Variants in ZMIZ1 observed in about 807,000 individuals in gnomAD.
ZMIZ1 encodes zinc finger MIZ domain-containing protein 1.
In ZMIZ1, 17 loss-of-function variants were observed where a neutral mutation model predicts 113.9. That is an observed-to-expected ratio of 0.15 (90% CI 0.10 to 0.22). The LOEUF is 0.22. Among genes scored for constraint, ZMIZ1 ranks in the 10% least tolerant of loss-of-function variants. The pLI is 1.00. For missense variants in ZMIZ1, 1,059 were observed against 1,477.8 expected, an observed-to-expected ratio of 0.72 and a Z score of 4.65; for synonymous variants, 607 against 603.1, an observed-to-expected ratio of 1.01 and a Z score of -0.09.
Position 79,296,191 on chromosome 10 carries a change from G to A in ZMIZ1, c.1231-280G>A, listed in dbSNP as rs1853879295. The A allele has an allele frequency of 2.0e-6, 1 of 499,132 alleles. No homozygotes were observed. Among genetic ancestry groups the A allele is most frequent in the African/African-American group, 2.0e-5 (1 of 50,308 alleles). The allele number at this position is 499,132 out of a possible 1,614,324, so 30.9% of individuals were successfully genotyped here. ...AGTTAGAATCAGGCCCCTCATAATGGTGTGAGCAAGAGGCTCTGAAAGTGT... is the reference window on the plus strand; with the variant it reads ...AGTTAGAATCAGGCCCCTCATAATGATGTGAGCAAGAGGCTCTGAAAGTGT... On this transcript the variant is annotated intron_variant, in intron 12 of 24. Transcript: ENST00000334512. The surrounding 1 kb of genome is among the most constrained non-coding windows in gnomAD (Gnocchi z 4.1).
intron 2 of ZMIZ1, among the ~76,000 whole-genome samples, chr10:79,131,817 G>T (rs569690726): frequency 7.0e-6 from 1 of 142,866 alleles, no homozygotes; most frequent in South Asian, 2.4e-4. Flanking sequence ...AACAATCATA[G>T]TGGAGATTTG....
intron 7 of ZMIZ1, among the ~76,000 whole-genome samples, chr10:79,269,927 G>A (rs1851850763): frequency 6.6e-6 from 1 of 152,206 alleles, no homozygotes; most frequent in South Asian, 2.1e-4. Flanking sequence ...AACAAAGGCT[G>A]GTCACTCGGC....
chr10:79,157,201 C>T (rs779835452), intron 3 of ZMIZ1, among the ~76,000 whole-genome samples: 2 of 152,164 alleles, frequency 1.3e-5, no homozygotes, highest in Non-Finnish European at 2.9e-5. Flanking sequence ...GCGATTTCTT[C>T]CTCTGTAAAG....
intron 1 of ZMIZ1, among the ~76,000 whole-genome samples, chr10:79,086,767 A>AT (rs532054143): frequency 1.3e-5 from 2 of 151,554 alleles, no homozygotes; most frequent in African/African-American, 2.4e-5. Context: ...TTTTATTTTT[A>AT]TTTTTTTTAA....
At chr10:79,082,660 C>T (rs1011945420) in intron 1 of ZMIZ1, among the ~76,000 whole-genome samples, 3 of 152,240 alleles carry the variant, frequency 2.0e-5, no homozygotes, top group Non-Finnish European at 4.4e-5. Flanking sequence ...CCCCTACTTT[C>T]ACCCTTTGCG....
intron 23 of ZMIZ1, among the ~76,000 whole-genome samples, chr10:79,308,686 A>G (rs1854900488): frequency 2.0e-5 from 3 of 152,080 alleles, no homozygotes; most frequent in South Asian, 2.1e-4. Flanking sequence ...AAGTTTTTCA[A>G]AGTTACTCTC....
chr10:79,129,005 G>A (rs1554854206), intron 2 of ZMIZ1, among the ~76,000 whole-genome samples: 1 of 152,198 alleles, frequency 6.6e-6, no homozygotes, highest in Non-Finnish European at 1.5e-5. Context: ...GTCTGGTGCA[G>A]GGTAACACTT....
At chr10:79,244,800 A>C (rs909662623) in intron 7 of ZMIZ1, among the ~76,000 whole-genome samples, 4 of 152,138 alleles carry the variant, frequency 2.6e-5, no homozygotes, top group African/African-American at 9.7e-5. Context: ...TTGGGGTGAA[A>C]AGGCCGTGCC....
intron 4 of ZMIZ1, among the ~76,000 whole-genome samples, chr10:79,162,896 A>C (rs1364982358): frequency 6.6e-6 from 1 of 152,176 alleles, no homozygotes; most frequent in African/African-American, 2.4e-5. Flanking sequence ...GGAGCAACTG[A>C]GAGCAGCTGG....
chr10:79,137,926 C>T (rs1176739554), intron 2 of ZMIZ1, among the ~76,000 whole-genome samples: 1 of 152,152 alleles, frequency 6.6e-6, no homozygotes, highest in African/African-American at 2.4e-5. Flanking sequence ...TTATAACTCA[C>T]AGCTGTGCGG....
chr10:79,313,601 G>A lies in ZMIZ1; in HGVS notation c.*852G>A, dbSNP rs986636350. 3.8e-5 allele frequency: 8 copies of A among 211,930 alleles called. No homozygotes were observed. The highest frequency in any genetic ancestry group is 1.1e-4 in the Admixed American group (2 of 18,476). 13.1% of individuals were successfully genotyped at this position (211,930 alleles called of 1,614,324 possible). The stretch of plus-strand genomic sequence containing the variant: ...GATTGTGCCCTTGGTTGGGGGGCGC[G>A]GGCATATAACCTGTCAGAAGCAAAC... On this transcript the variant is annotated 3_prime_UTR_variant, in exon 25 of 25. Coordinates refer to ENST00000334512, the MANE Select transcript of ZMIZ1 (RefSeq NM_020338.4).
At chr10:79,222,828 T>C (rs571189599) in intron 7 of ZMIZ1, among the ~76,000 whole-genome samples, 1 of 152,184 alleles carries the variant, frequency 6.6e-6, no homozygotes. Context: ...CCAAGGGCCC[T>C]GGAGAGTGCT....
chr10:79,289,426 G>A (rs939308314), intron 8 of ZMIZ1, among the ~76,000 whole-genome samples: 5 of 152,186 alleles, frequency 3.3e-5, no homozygotes, highest in African/African-American at 9.7e-5. Flanking sequence ...AAAGGGCAAC[G>A]TGGAGTCAGA....
At chr10:79,115,394 C>T (rs1332174306) in intron 1 of ZMIZ1, among the ~76,000 whole-genome samples, 1 of 152,202 alleles carries the variant, frequency 6.6e-6, no homozygotes, top group African/African-American at 2.4e-5. Context: ...AAGGAGCTTC[C>T]TCTCTTAGCA....
chr10:79,149,295 C>T (rs1356498194), intron 3 of ZMIZ1, among the ~76,000 whole-genome samples: 1 of 152,224 alleles, frequency 6.6e-6, no homozygotes, highest in Non-Finnish European at 1.5e-5. Context: ...TGGAAGAGTC[C>T]TCCTTGCTCT....
chr10:79,222,395 C>T (rs1353130024), intron 7 of ZMIZ1, among the ~76,000 whole-genome samples: 7 of 152,192 alleles, frequency 4.6e-5, no homozygotes, highest in South Asian at 4.1e-4. Flanking sequence ...CCTTCCCCAC[C>T]GTTGGAAACC....
chr10:79,261,001 C>T (rs767872831), intron 7 of ZMIZ1, among the ~76,000 whole-genome samples: 4 of 152,170 alleles, frequency 2.6e-5, no homozygotes, highest in Non-Finnish European at 4.4e-5. Flanking sequence ...CCCGAGGACA[C>T]GTCCCTGCAT....
chr10:79,257,309 G>T (rs973800152), intron 7 of ZMIZ1, among the ~76,000 whole-genome samples: 26 of 152,344 alleles, frequency 1.7e-4, no homozygotes, highest in African/African-American at 6.0e-4. Flanking sequence ...ATACACCCTG[G>T]AAGGCAGGAG....
At chr10:79,185,508 C>CT (rs72515568) in intron 4 of ZMIZ1, among the ~76,000 whole-genome samples, 68 of 148,390 alleles carry the variant, frequency 4.6e-4, no homozygotes, top group South Asian at 1.1e-3. Context: ...ACTTCTACAT[C>CT]TTTTTTTTTT....
Sources: gnomAD v4.1 joint callset for allele counts (sites outside exome capture counted in the v4.1 genomes callset) on GRCh38, gnomAD v4.1.1 for gene constraint, Gnocchi (gnomAD v3.1) non-coding constraint, MANE v1.5 for transcripts, NCBI Gene and HGNC (gene_info 2026-07-23, HGNC 2026-07-21) for gene names.